The following ELOVL4 variants were observed in gnomAD, a reference collection of about 807,000 sequenced individuals.
The protein encoded by ELOVL4 is ELOVL fatty acid elongase 4.
ELOVL4 carries 18 observed loss-of-function variants against 42.1 expected under a neutral mutation model. That is an observed-to-expected ratio of 0.43 (90% confidence interval 0.30 to 0.63). The LOEUF is 0.63. ELOVL4 is among the 30% of genes least tolerant of loss of function. The pLI is 0.15. For missense variants in ELOVL4, 299 were observed against 376.2 expected, an observed-to-expected ratio of 0.79 and a Z score of 1.70; for synonymous variants, 117 against 127.0, an observed-to-expected ratio of 0.92 and a Z score of 0.53.
intron 1 of ELOVL4, among the ~76,000 whole-genome samples, chr6:79,934,759 T>C (rs1231362356): frequency 2.0e-5 from 3 of 152,196 alleles, no homozygotes; most frequent in African/African-American, 4.8e-5. Flanking sequence ...AGGGCTGTTG[T>C]GAGGAATAGA....
At position 79,919,127 on chromosome 6, in the gene ELOVL4, G is replaced by A. The variant is rs531826685; in HGVS notation, c.669+293C>T. 3.4e-4 allele frequency among the ~76,000 whole-genome samples: 52 copies of A among 151,768 alleles called. No homozygotes were observed. The East Asian group carries it at 7.9e-3, about 23-fold the overall frequency. On this transcript the variant is annotated intron_variant, in intron 5 of 5. Transcript: ENST00000369816. Reference sequence around the variant, plus strand: ...CTATTCATACTACGTACTTTGTAGCGTGCTTAGATCTTTAATCATCCTTTC... The same window carrying A: ...CTATTCATACTACGTACTTTGTAGCATGCTTAGATCTTTAATCATCCTTTC...
In ELOVL4 at chr6:79,915,553, G is replaced by A. The variant is rs1299603966; in HGVS notation, c.*1055C>T. 6.6e-6 allele frequency: 1 copy of A among 152,372 alleles called. No homozygotes were observed. The highest frequency in any genetic ancestry group is 1.5e-5 in the Non-Finnish European group (1 of 67,982). 9.4% of individuals were successfully genotyped at this position (152,372 alleles called of 1,614,324 possible). A position where few individuals can be genotyped will look rare whatever the true frequency, so the allele number is the denominator to read the frequency against. On this transcript the variant is annotated 3_prime_UTR_variant, in exon 6 of 6. Transcript: ENST00000369816. ...AAGGATAGTTTCACAGAAATGTTTG[G>A]TGTATGCTATTTGTCATAAAAGCAA...
intron 5 of ELOVL4, among the ~76,000 whole-genome samples, chr6:79,917,992 G>A (rs923552486): frequency 6.6e-6 from 1 of 152,082 alleles, no homozygotes; most frequent in Admixed American, 6.5e-5. Context: ...AAGACATAAT[G>A]TTAACAAGGG....
At chr6:79,922,538 G>A (rs1774276345) in intron 3 of ELOVL4, among the ~76,000 whole-genome samples, 1 of 152,134 alleles carries the variant, frequency 6.6e-6, no homozygotes, top group South Asian at 2.1e-4. Context: ...GTTTTAAAAT[G>A]TTTTACAAGA....
chr6:79,944,955 G>T (rs1774710939), intron 1 of ELOVL4, among the ~76,000 whole-genome samples: 1 of 137,796 alleles, frequency 7.3e-6, no homozygotes, highest in Admixed American at 7.8e-5. Flanking sequence ...AAATTATGCT[G>T]AGAGGTGGAA....
At chr6:79,945,179 A>C (rs1283432232) in intron 1 of ELOVL4, among the ~76,000 whole-genome samples, 3 of 152,114 alleles carry the variant, frequency 2.0e-5, no homozygotes, top group Admixed American at 6.5e-5. Context: ...ATCTGCCTAC[A>C]TAAGGTAGCT....
intron 5 of ELOVL4, among the ~76,000 whole-genome samples, chr6:79,918,782 CACAA>C (rs549813326): frequency 6.6e-6 from 1 of 152,318 alleles, no homozygotes; most frequent in East Asian, 1.9e-4. Flanking sequence ...CTCAGATTGC[CACAA>C]ACAGTCTTAC....
Position 79,916,490 on chromosome 6 carries a change from G to T in ELOVL4, c.*118C>A. The T allele has an allele frequency of 1.8e-6, 2 of 1,117,502 alleles. No individual in the cohort carries two copies. The highest frequency in any genetic ancestry group is 1.3e-6 in the Non-Finnish European group (1 of 741,518). 69.2% of individuals were successfully genotyped at this position (1,117,502 alleles called of 1,614,324 possible). On this transcript the variant is annotated 3_prime_UTR_variant, in exon 6 of 6. Coordinates refer to ENST00000369816, the MANE Select transcript of ELOVL4 (RefSeq NM_022726.4). ...TCAGTCTAAGAGTTACTAGGACATA[G>T]AGCACATTTGTCTTTTCTCCCCACC...
chr6:79,939,480 TTC>T (rs1272281071), intron 1 of ELOVL4, among the ~76,000 whole-genome samples: 1 of 151,632 alleles, frequency 6.6e-6, no homozygotes, highest in Non-Finnish European at 1.5e-5. Context: ...TCTTTCTACT[TTC>T]TGTTTCTATT....
chr6:79,943,973 C>T (rs541120997), intron 1 of ELOVL4, among the ~76,000 whole-genome samples: 2 of 152,150 alleles, frequency 1.3e-5, no homozygotes, highest in Admixed American at 6.5e-5. Context: ...ATTACCACCC[C>T]CAACCAACAG....
Position 79,916,317 on chromosome 6 carries a change from T to C in ELOVL4, c.*291A>G. The C allele has an allele frequency of 2.6e-6, 1 of 380,808 alleles. No individual in the cohort carries two copies. Among genetic ancestry groups the C allele is most frequent in the East Asian group, 5.3e-5 (1 of 18,802 alleles). 23.6% of individuals were successfully genotyped at this position (380,808 alleles called of 1,614,324 possible). ...AAGATACATGAAAAATCTCATCCTT[T>C]AGACAACTGGATGTGAACAGGGGGA... On this transcript the variant is annotated 3_prime_UTR_variant, in exon 6 of 6. Transcript: ENST00000369816.
In ELOVL4 at chr6:79,923,496, C is replaced by T. The variant is rs571953979; in HGVS notation, c.369+1456G>A. On this transcript the variant is annotated intron_variant, in intron 3 of 5. Transcript: ENST00000369816. ...AGAAGTCAGTCAGTCAAACACTTAT[C>T]CCTGTTCCCTTCCCTACGGCAAGCA... is the stretch of plus-strand genomic sequence containing the variant. Among the ~76,000 whole-genome samples the T allele has an allele frequency of 3.3e-5, 5 of 152,292 alleles. No homozygotes were observed. In the South Asian group the frequency reaches 6.2e-4, roughly 19 times the overall value.
At chr6:79,946,939 T>A (rs1430648981) in intron 1 of ELOVL4, among the ~76,000 whole-genome samples, 3 of 152,050 alleles carry the variant, frequency 2.0e-5, no homozygotes, top group Non-Finnish European at 4.4e-5. Context: ...CGAGAGCTGA[T>A]GAGAGATGGA....
At chr6:79,939,554 T>C (rs1774608152) in intron 1 of ELOVL4, among the ~76,000 whole-genome samples, 1 of 151,306 alleles carries the variant, frequency 6.6e-6, no homozygotes, top group Non-Finnish European at 1.5e-5. Context: ...GCCAGGATCT[T>C]ACTCTGTCAC....
chr6:79,945,137 C>G (rs777925172), intron 1 of ELOVL4, among the ~76,000 whole-genome samples: 7 of 152,100 alleles, frequency 4.6e-5, no homozygotes, highest in Non-Finnish European at 1.0e-4. Context: ...CAGACTATAT[C>G]CACTAAGCCT....
chr6:79,942,084 G>C (rs76185665), intron 1 of ELOVL4, among the ~76,000 whole-genome samples: 4,948 of 152,204 alleles, frequency 0.033, 113 homozygotes, highest in Middle Eastern at 0.061. Context: ...AGGTAAACAG[G>C]GAAAAGGTGG....
intron 1 of ELOVL4, among the ~76,000 whole-genome samples, chr6:79,930,226 T>A (rs991874524): frequency 6.6e-6 from 1 of 152,220 alleles, no homozygotes; most frequent in African/African-American, 2.4e-5. Flanking sequence ...ATGCAAGGCA[T>A]GCATTCATTC....
chr6:79,940,082 ATTAG>A (rs1774621675), intron 1 of ELOVL4, among the ~76,000 whole-genome samples: 1 of 152,202 alleles, frequency 6.6e-6, no homozygotes, highest in Non-Finnish European at 1.5e-5. Flanking sequence ...AATATATAAA[ATTAG>A]TTAAAAACAC....
intron 5 of ELOVL4, 70 bp downstream of exon 5, chr6:79,919,350 C>G: frequency 6.4e-7 from 1 of 1,556,146 alleles, no homozygotes; most frequent in South Asian, 1.1e-5. Flanking sequence ...TGACATTGCA[C>G]TTTAAAATTA....
Sources: gnomAD v4.1 joint callset for allele counts (sites outside exome capture counted in the v4.1 genomes callset) on GRCh38, gnomAD v4.1.1 for gene constraint, MANE v1.5 for transcripts, NCBI Gene and HGNC (gene_info 2026-07-23, HGNC 2026-07-21) for gene names.